Variants in ZMYM4 observed in about 807,000 individuals in gnomAD.
ZMYM4 encodes zinc finger MYM-type containing 4, also known as zinc finger MYM-type protein 4.
ZMYM4 carries 31 observed loss-of-function variants against 183.2 expected under a neutral mutation model. That is an observed-to-expected ratio of 0.17 (90% CI 0.13 to 0.23). ZMYM4 has a LOEUF of 0.23. Ranked by LOEUF, ZMYM4 falls within the 10% of genes least tolerant of loss-of-function variation. The pLI, the probability that ZMYM4 is intolerant of heterozygous loss-of-function variation, is 1.00. For synonymous variants in ZMYM4, 592 were observed against 631.2 expected (o/e 0.94, Z 0.93); for missense variants, 1,273 against 1,840.3 (o/e 0.69, Z 5.64).
Position 35,276,218 on chromosome 1 carries a change from C to A in ZMYM4, c.39+7133C>A, listed in dbSNP as rs1168576628. 3.3e-5 allele frequency among the ~76,000 whole-genome samples: 5 copies of A among 151,818 alleles called. No homozygotes were observed. In the South Asian group the frequency reaches 8.3e-4, roughly 25 times the overall value. ...ATAAGCCAAAAATTAATCTACTATT[C>A]CTGTCTCATCTAACTACTCATTTCT... On this transcript the variant is annotated intron_variant, in intron 1 of 29. Coordinates refer to ENST00000314607, the MANE Select transcript of ZMYM4 (RefSeq NM_005095.3).
rs1244516352 is a variant in ZMYM4 at position 35,315,929 on chromosome 1, GA to G, written c.40-9421del. On this transcript the variant is annotated intron_variant, in intron 1 of 29. Transcript: ENST00000314607. The stretch of plus-strand genomic sequence containing the variant: ...TGACAGAGTGAGTCCCTGTCTGGGG[GA>G]AAAAAAAAATTATTATTATTTTTTA... Among the ~76,000 whole-genome samples, 52 of 149,714 alleles carry G rather than the reference GA, an allele frequency of 3.5e-4. No homozygotes were observed. In the South Asian group the frequency reaches 4.0e-3, roughly 12 times the overall value.
chr1:35,369,966 C>T lies in ZMYM4; in HGVS notation c.841-63C>T. 3 of 1,213,364 alleles carry T rather than the reference C, an allele frequency of 2.5e-6. No homozygotes were observed. The South Asian group carries it at 4.1e-5, about 17-fold the overall frequency. The allele number at this position is 1,213,364 out of a possible 1,614,324, so 75.2% of individuals were successfully genotyped here. A position where few individuals can be genotyped will look rare whatever the true frequency, so the allele number is the denominator to read the frequency against. Reference sequence around the variant, plus strand: ...AGTGGTAGTAAAATGTCTTGAATGTCTGGATGTCTTTAGGTATTTATTCTT... The same window carrying T: ...AGTGGTAGTAAAATGTCTTGAATGTTTGGATGTCTTTAGGTATTTATTCTT... On this transcript the variant is annotated intron_variant, in intron 5 of 29. Coordinates refer to ENST00000314607, the MANE Select transcript of ZMYM4 (RefSeq NM_005095.3).
chr1:35,308,123 C>G (rs1412981914), intron 1 of ZMYM4, among the ~76,000 whole-genome samples: 1 of 152,182 alleles, frequency 6.6e-6, no homozygotes, highest in East Asian at 1.9e-4. Flanking sequence ...TCCTGCGTAG[C>G]TGGGATTACA....
At chr1:35,353,536 C>T (rs1212694211) in intron 2 of ZMYM4, among the ~76,000 whole-genome samples, 1 of 152,002 alleles carries the variant, frequency 6.6e-6, no homozygotes, top group East Asian at 1.9e-4. Flanking sequence ...CCAGCCATAC[C>T]ATCCTTGCTT....
intron 1 of ZMYM4, among the ~76,000 whole-genome samples, chr1:35,286,594 ATTTTTT>A (rs35510573): frequency 8.5e-6 from 1 of 117,568 alleles, no homozygotes; most frequent in Admixed American, 8.8e-5. Flanking sequence ...CTGTCTGCCT[ATTTTTT>A]TTTTTTTTTT....
chr1:35,283,442 A>C (rs1192248761), intron 1 of ZMYM4, among the ~76,000 whole-genome samples: 1 of 141,148 alleles, frequency 7.1e-6, no homozygotes, highest in Non-Finnish European at 1.5e-5. Flanking sequence ...GGTTCACGCC[A>C]TTCTCCTGCC....
chr1:35,419,436 C>CT, intron 29 of ZMYM4, 34 bp from the exon 30 acceptor site: 2 of 1,597,796 alleles, frequency 1.3e-6, no homozygotes, highest in Non-Finnish European at 1.7e-6. Flanking sequence ...TTCTAATTTT[C>CT]TTTTTTCTCT....
chr1:35,330,651 GTTATTGTGTACATAGTGTCTGCTGC>G (rs1282445178), intron 2 of ZMYM4, among the ~76,000 whole-genome samples: 1 of 152,170 alleles, frequency 6.6e-6, no homozygotes, highest in Non-Finnish European at 1.5e-5. Context: ...GGAGAGAATT[GTTATTGTGTACATAGTGTCTGCTGC>G]AACAACCTTT....
chr1:35,269,107 T>G, intron 1 of ZMYM4, 22 bp downstream of exon 1: 1 of 1,545,576 alleles, frequency 6.5e-7, no homozygotes, highest in Non-Finnish European at 8.7e-7. Flanking sequence ...GAGGCAGAAC[T>G]CGGGCGGCGG....
At chr1:35,295,853 A>G (rs757859649) in intron 1 of ZMYM4, 2 of 152,190 alleles carry the variant, frequency 1.3e-5, no homozygotes, top group African/African-American at 4.8e-5. Context: ...TGATAAGTCA[A>G]GTTGGGTTTT....
Position 35,333,871 on chromosome 1 carries a change from A to T in ZMYM4, c.85+8466A>T, listed in dbSNP as rs142666437. On this transcript the variant is annotated intron_variant, in intron 2 of 29. Transcript: ENST00000314607. Reference sequence around the variant, plus strand: ...AATAGCTCTCTATTCTGTGATTTTAATGCACAATAAGTCATCTTCTGCTTT... The same window carrying T: ...AATAGCTCTCTATTCTGTGATTTTATTGCACAATAAGTCATCTTCTGCTTT... Among the ~76,000 whole-genome samples the T allele has an allele frequency of 2.4e-3, 359 of 152,178 alleles. 1 individual carries two copies. Among genetic ancestry groups the T allele is most frequent in the African/African-American group, 8.5e-3 (352 of 41,524 alleles).
intron 1 of ZMYM4, among the ~76,000 whole-genome samples, chr1:35,290,346 A>G (rs1217521367): frequency 6.6e-6 from 1 of 152,202 alleles, no homozygotes; most frequent in African/African-American, 2.4e-5. Flanking sequence ...TGCTTAGCAT[A>G]TTTCTTTCTA....
At chr1:35,350,673 G>A in intron 2 of ZMYM4, 1 of 297,464 alleles carries the variant, frequency 3.4e-6, no homozygotes, top group African/African-American at 2.2e-5. Context: ...AGCACTGCTG[G>A]GCCTGCAGGT....
chr1:35,370,597 T>G lies in ZMYM4; in HGVS notation c.1151T>G (p.Leu384Arg). 6.2e-7 allele frequency: 1 copy of G among 1,610,584 alleles called. No individual in the cohort carries two copies. The highest frequency in any genetic ancestry group is 8.5e-7 in the Non-Finnish European group (1 of 1,177,880). The change falls in exon 7 of 30, where the codon CTC becomes CGC. Residue 384 changes from leucine (L) to arginine (R), a missense_variant. Leu to Arg is a moderately radical substitution (Grantham distance 102). Transcript: ENST00000314607. Reference sequence around the variant, plus strand: ...CCACCTGCCCGCCCACCGCCTCCTCTCACCAAGAAAACTTGTTCAAGTTGC... The same window carrying G: ...CCACCTGCCCGCCCACCGCCTCCTCGCACCAAGAAAACTTGTTCAAGTTGC... ...TVPPARPPPP[L>R]TKKTCSSCSK...
At chr1:35,315,946 T>C (rs1056062746) in intron 1 of ZMYM4, among the ~76,000 whole-genome samples, 1 of 152,134 alleles carries the variant, frequency 6.6e-6, no homozygotes, top group Non-Finnish European at 1.5e-5. Context: ...AAAATTATTA[T>C]TATTTTTTAA....
intron 11 of ZMYM4, 137 bp downstream of exon 11, chr1:35,386,326 A>G (rs1296930650): frequency 5.0e-6 from 3 of 595,518 alleles, no homozygotes; most frequent in Non-Finnish European, 8.5e-6. Context: ...ACAGTTCCAC[A>G]GGCTGTACAG....
chr1:35,351,338 C>T, intron 2 of ZMYM4: 1 of 1,563,082 alleles, frequency 6.4e-7, no homozygotes, highest in Non-Finnish European at 8.8e-7. Flanking sequence ...TTGCAGATTA[C>T]ATGCACTACT....
intron 2 of ZMYM4, among the ~76,000 whole-genome samples, chr1:35,352,257 G>A (rs972850197): frequency 6.0e-4 from 60 of 99,892 alleles, no homozygotes; most frequent in Non-Finnish European, 8.9e-4. Flanking sequence ...AAATTAGCGC[G>A]CACGCGCGCG....
At chr1:35,411,311 G>T (rs1034459655) in intron 26 of ZMYM4, among the ~76,000 whole-genome samples, 1 of 150,772 alleles carries the variant, frequency 6.6e-6, no homozygotes, top group Non-Finnish European at 1.5e-5. Flanking sequence ...CCGCCACTAT[G>T]CCCGGCTAAT....
Sources: gnomAD v4.1 joint callset for allele counts (sites outside exome capture counted in the v4.1 genomes callset) on GRCh38, gnomAD v4.1.1 for gene constraint, MANE v1.5 for transcripts, NCBI Gene and HGNC (gene_info 2026-07-23, HGNC 2026-07-21) for gene names.